NWD2: variants seen among roughly 807,000 people sequenced by gnomAD.
NWD2 encodes NACHT and WD repeat domain containing 2.
In NWD2, 37 loss-of-function variants were observed where a neutral mutation model predicts 132.7. The observed-to-expected ratio is 0.28, with a 90% CI of 0.21 to 0.37. NWD2 has a LOEUF of 0.37. Among genes scored for constraint, NWD2 ranks in the 10% least tolerant of loss-of-function variants. NWD2 has a pLI of 1.00. For missense variants in NWD2, 1,592 were observed against 2,122.4 expected (o/e 0.75, Z 4.91); for synonymous variants, 705 against 803.0 (o/e 0.88, Z 2.06).
rs370910275 is a variant in NWD2, at chr4:37,269,690, T to C, written c.151+24472T>C. Reference sequence around the variant, plus strand: ...GTAGTTCATTCTTATCCATAATTTGTTTTGTTTTTATTGGTGAATACTGTG... The same window carrying C: ...GTAGTTCATTCTTATCCATAATTTGCTTTGTTTTTATTGGTGAATACTGTG... On this transcript the variant is annotated intron_variant, in intron 1 of 6. Coordinates refer to ENST00000309447, the MANE Select transcript of NWD2 (RefSeq NM_001144990.2). Among the ~76,000 whole-genome samples the C allele has an allele frequency of 1.2e-4, 18 of 152,048 alleles. No individual in the cohort carries two copies. The East Asian group carries it at 2.1e-3, about 18-fold the overall frequency.
At chr4:37,358,719 C>A (rs947239349) in intron 3 of NWD2, among the ~76,000 whole-genome samples, 1 of 152,124 alleles carries the variant, frequency 6.6e-6, no homozygotes, top group Non-Finnish European at 1.5e-5. Flanking sequence ...AAATTACAGG[C>A]AGTTTTATAG....
intron 3 of NWD2, among the ~76,000 whole-genome samples, chr4:37,378,782 G>A (rs1409192907): frequency 3.9e-5 from 6 of 151,948 alleles, no homozygotes; most frequent in Non-Finnish European, 8.8e-5. Flanking sequence ...TGTAATGCTG[G>A]GCTCAACAAC....
chr4:37,283,313 A>G (rs1718165943), intron 1 of NWD2, among the ~76,000 whole-genome samples: 1 of 152,216 alleles, frequency 6.6e-6, no homozygotes, highest in Admixed American at 6.5e-5. Context: ...AGGACCATCC[A>G]GCTTTTTTGA....
chr4:37,305,943 A>G (rs1718701647), intron 1 of NWD2, among the ~76,000 whole-genome samples: 1 of 152,172 alleles, frequency 6.6e-6, no homozygotes, highest in South Asian at 2.1e-4. Flanking sequence ...TTAAAGGTTC[A>G]GTAGAATTCA....
At chr4:37,341,032 A>C (rs759421259) in intron 2 of NWD2, among the ~76,000 whole-genome samples, 1 of 152,242 alleles carries the variant, frequency 6.6e-6, no homozygotes, top group Non-Finnish European at 1.5e-5. Context: ...TTATACACAC[A>C]GTCCTCAACC....
chr4:37,267,085 CAT>C (rs1052331060), intron 1 of NWD2, among the ~76,000 whole-genome samples: 6 of 151,894 alleles, frequency 4.0e-5, no homozygotes, highest in African/African-American at 7.2e-5. Flanking sequence ...TTACAAAACT[CAT>C]GTGGTCATAA....
chr4:37,376,897 A>G (rs1416521152), intron 3 of NWD2, among the ~76,000 whole-genome samples: 2 of 152,140 alleles, frequency 1.3e-5, no homozygotes, highest in South Asian at 4.1e-4. Context: ...CTTTGTCCCA[A>G]GTACCTAGCA....
intron 3 of NWD2, among the ~76,000 whole-genome samples, chr4:37,387,486 TC>T (rs1350464238): frequency 6.6e-6 from 1 of 151,738 alleles, no homozygotes; most frequent in East Asian, 1.9e-4. Context: ...TGCAATCAAC[TC>T]CATCAACATA....
chr4:37,337,454 C>T (rs927100401), intron 2 of NWD2, among the ~76,000 whole-genome samples: 11 of 152,112 alleles, frequency 7.2e-5, no homozygotes, highest in African/African-American at 2.4e-4. Flanking sequence ...GAGAGAAACT[C>T]GCAGCTCACC....
intron 1 of NWD2, among the ~76,000 whole-genome samples, chr4:37,258,963 G>A (rs1346125910): frequency 6.6e-6 from 1 of 152,186 alleles, no homozygotes. Flanking sequence ...TGCTCCAGTG[G>A]GTGGGTAAGC....
intron 3 of NWD2, among the ~76,000 whole-genome samples, chr4:37,376,065 G>A (rs1382985): frequency 0.53 from 80,091 of 151,966 alleles, 23,332 homozygotes; most frequent in Non-Finnish European, 0.67. Flanking sequence ...ATTATCAAGT[G>A]TTTATTACAA....
chr4:37,340,733 A>G (rs2109294714), intron 2 of NWD2, among the ~76,000 whole-genome samples: 1 of 152,338 alleles, frequency 6.6e-6, no homozygotes, highest in South Asian at 2.1e-4. Context: ...TCACAGGCAA[A>G]TCTGAGAGAA....
chr4:37,425,891 G>T (rs193248585), intron 3 of NWD2, among the ~76,000 whole-genome samples: 63 of 152,288 alleles, frequency 4.1e-4, no homozygotes, highest in African/African-American at 1.4e-3. Context: ...ACTCCCCATG[G>T]CTGCAGATCT....
At chr4:37,290,870 T>C (rs1718346638) in intron 1 of NWD2, among the ~76,000 whole-genome samples, 1 of 152,210 alleles carries the variant, frequency 6.6e-6, no homozygotes, top group South Asian at 2.1e-4. Context: ...TGAGTTTGAC[T>C]GGAAGTTGGC....
intron 1 of NWD2, among the ~76,000 whole-genome samples, chr4:37,317,873 A>G (rs1054438604): frequency 2.6e-5 from 4 of 152,162 alleles, no homozygotes; most frequent in Admixed American, 2.6e-4. Context: ...TTGGATTTTG[A>G]TTCATGTTGG....
chr4:37,299,477 A>G (rs756935066), intron 1 of NWD2, among the ~76,000 whole-genome samples: 2 of 152,072 alleles, frequency 1.3e-5, no homozygotes, highest in African/African-American at 4.8e-5. Flanking sequence ...CCCAATTTGG[A>G]TCTCAAAATC....
At chr4:37,297,148 T>C (rs1223411043) in intron 1 of NWD2, among the ~76,000 whole-genome samples, 2 of 152,050 alleles carry the variant, frequency 1.3e-5, no homozygotes, top group African/African-American at 4.8e-5. Context: ...TCTGTATCCA[T>C]GGGGGATTGA....
At chr4:37,335,306 G>T (rs1330189896) in intron 2 of NWD2, among the ~76,000 whole-genome samples, 3 of 121,412 alleles carry the variant, frequency 2.5e-5, no homozygotes, top group South Asian at 6.9e-4. Flanking sequence ...TGGGCGGGGG[G>T]GGGGGGCTTA....
chr4:37,372,424 G>A (rs6823583), intron 3 of NWD2, among the ~76,000 whole-genome samples: 41,363 of 152,016 alleles, frequency 0.27, 6,155 homozygotes, highest in East Asian at 0.5. Context: ...AGTAAGGAGC[G>A]ATGTAAGGCA....
Sources: allele counts gnomAD v4.1 joint callset (sites outside exome capture counted in the v4.1 genomes callset), GRCh38; gene constraint gnomAD v4.1.1; transcripts MANE v1.5; gene names NCBI Gene and HGNC (gene_info 2026-07-23, HGNC 2026-07-21).